FBLN7: variants seen among roughly 807,000 people sequenced by gnomAD.
FBLN7 encodes the protein fibulin-7.
A neutral mutation model predicts 44.0 loss-of-function variants in FBLN7; 31 were observed. The ratio of observed to expected loss-of-function variants is 0.70; its 90% CI spans 0.53 to 0.95. The LOEUF is 0.95. Among genes scored for constraint, FBLN7 ranks in the 40% least tolerant of loss-of-function variants. FBLN7 has a pLI of 0.00. For synonymous variants in FBLN7, 262 were observed against 253.4 expected, an observed-to-expected ratio of 1.03 and a Z score of -0.32; for missense variants, 573 against 618.5, an observed-to-expected ratio of 0.93 and a Z score of 0.78.
chr2:112,215,840 C>G, the FBLN7 span: 1 of 152,012 alleles, frequency 6.6e-6, no homozygotes. Context: ...ATTTTAACAA[C>G]AGAAAAGTTA....
intron 2 of FBLN7, among the ~76,000 whole-genome samples, chr2:112,160,839 C>CACGCGCGCACACAT (rs1681823344): frequency 8.8e-6 from 1 of 113,938 alleles, no homozygotes; most frequent in African/African-American, 3.7e-5. Context: ...CATACACGCA[C>CACGCGCGCACACAT]GCACACGCGC....
intron 5 of FBLN7, among the ~76,000 whole-genome samples, chr2:112,182,310 T>G (rs1477577651): frequency 1.3e-5 from 2 of 152,206 alleles, no homozygotes; most frequent in African/African-American, 4.8e-5. Flanking sequence ...TGTGCTCTCC[T>G]GATTACCAGA....
chr2:112,214,773 C>CATAACCCAGGT, the FBLN7 span: 1 of 152,160 alleles, frequency 6.6e-6, no homozygotes, highest in Non-Finnish European at 1.5e-5. Context: ...GAGGTGCTGC[C>CATAACCCAGGT]ATAACCCAGG....
At chr2:112,157,140 C>G (rs376575773) in intron 1 of FBLN7, among the ~76,000 whole-genome samples, 1 of 152,186 alleles carries the variant, frequency 6.6e-6, no homozygotes, top group South Asian at 2.1e-4. Context: ...GAGGCCAAGG[C>G]AGGCAGATCA....
the FBLN7 span, among the ~76,000 whole-genome samples, chr2:112,224,607 T>C: frequency 4.6e-5 from 7 of 152,160 alleles, no homozygotes; most frequent in Admixed American, 4.6e-4. Flanking sequence ...AACAGATGAA[T>C]AAACAAGTAT....
the FBLN7 span, among the ~76,000 whole-genome samples, chr2:112,197,260 CACACACACACACACAGAGAGAGAG>C: frequency 3.9e-5 from 5 of 128,034 alleles, no homozygotes; most frequent in Non-Finnish European, 1.7e-5. Flanking sequence ...CACACACACA[CACACACACACACACAGAGAGAGAG>C]AGAGAGAGAG....
intron 3 of FBLN7, among the ~76,000 whole-genome samples, chr2:112,166,440 G>A (rs908837425): frequency 1.3e-4 from 20 of 152,176 alleles, no homozygotes; most frequent in Non-Finnish European, 1.3e-4. Context: ...GGATTGCCAT[G>A]AGAAGCTCAG....
Position 112,159,766 on chromosome 2 carries a change from C to T in FBLN7, c.166C>T (p.Arg56Cys), listed in dbSNP as rs773214121. The part of the protein sequence containing the change: ...GQETRFAEGI[R>C]HMKSRLAALQ... ...GGAGACACGCTTCGCCGAGGGCATC[C>T]GCCACATGAAGAGCCGGCTGGCCGC... The change falls in exon 2 of 8, where the codon CGC becomes TGC. Residue 56 changes from arginine (R) to cysteine (C), a missense_variant. Coordinates refer to ENST00000331203, the MANE Select transcript of FBLN7 (RefSeq NM_153214.3). 5.6e-6 allele frequency: 9 copies of T among 1,604,362 alleles called. No homozygotes were observed. Among genetic ancestry groups the T allele is most frequent in the African/African-American group, 1.3e-5 (1 of 74,238 alleles).
At chr2:112,207,858 A>AT in the FBLN7 span, among the ~76,000 whole-genome samples, 1 of 152,248 alleles carries the variant, frequency 6.6e-6, no homozygotes, top group East Asian at 1.9e-4. Flanking sequence ...TGCATGTTGC[A>AT]TTTTTTCCCA....
At chr2:112,139,009 C>A (rs1680501414) in intron 1 of FBLN7, among the ~76,000 whole-genome samples, 1 of 104,056 alleles carries the variant, frequency 9.6e-6, no homozygotes, top group African/African-American at 4.0e-5. Context: ...CCGCCTCTCT[C>A]CAGGTCAGCG....
the FBLN7 span, among the ~76,000 whole-genome samples, chr2:112,240,101 G>A: frequency 6.6e-6 from 1 of 152,156 alleles, no homozygotes; most frequent in African/African-American, 2.4e-5. Context: ...TTGTCTCTAG[G>A]TCTTCAAGAA....
At chr2:112,175,147 T>C (rs1450084157) in intron 3 of FBLN7, among the ~76,000 whole-genome samples, 1 of 152,242 alleles carries the variant, frequency 6.6e-6, no homozygotes, top group Non-Finnish European at 1.5e-5. Flanking sequence ...AACTCTTACC[T>C]GGTCAAGCAC....
chr2:112,182,058 C>T (rs1683029564), intron 5 of FBLN7, 182 bp downstream of exon 5: 2 of 762,976 alleles, frequency 2.6e-6, no homozygotes, highest in Admixed American at 3.8e-5. Flanking sequence ...GCAGCTAATT[C>T]ACAGAAATCA....
intron 1 of FBLN7, among the ~76,000 whole-genome samples, chr2:112,155,695 C>T (rs896382524): frequency 1.3e-5 from 2 of 152,176 alleles, no homozygotes; most frequent in African/African-American, 2.4e-5. Flanking sequence ...CAATGAGCAC[C>T]GGGGAGAAAG....
At chr2:112,231,814 A>C in the FBLN7 span, 1 of 1,438,234 alleles carries the variant, frequency 7.0e-7, no homozygotes, top group Non-Finnish European at 9.5e-7. Context: ...GAAAAAACAA[A>C]AGATTATTAA....
At chr2:112,188,803 G>T (rs1683386338), downstream of FBLN7, 1 of 152,234 alleles carries the variant, frequency 6.6e-6, no homozygotes, top group African/African-American at 2.4e-5. Flanking sequence ...TTGAGACACA[G>T]TCAAGAGTTG....
At position 112,187,150 on chromosome 2, in the gene FBLN7, C is replaced by T; in HGVS notation, c.964C>T (p.Pro322Ser). 1.9e-6 allele frequency: 3 copies of T among 1,614,014 alleles called. No individual in the cohort carries two copies. The highest frequency in any genetic ancestry group is 2.5e-6 in the Non-Finnish European group (3 of 1,180,022). Reference sequence around the variant, plus strand: ...CCGCTCCAGCCAGTGTGAGCGGAACCCCTGCCCCATGGACAGCAGGCCCTG... The same window carrying T: ...CCGCTCCAGCCAGTGTGAGCGGAACTCCTGCCCCATGGACAGCAGGCCCTG... The part of the protein sequence containing the change: ...KTSPFQCERN[P>S]CPMDSRPCRH... Residue 322 changes from proline to serine, a missense_variant, in exon 8 of 8, where the codon CCC (proline) becomes TCC (serine). Transcript: ENST00000331203. The surrounding 1 kb of genome is among the most constrained non-coding windows in gnomAD (Gnocchi z 5.1).
chr2:112,236,321 AG>A, the FBLN7 span, among the ~76,000 whole-genome samples: 1 of 152,196 alleles, frequency 6.6e-6, no homozygotes, highest in Admixed American at 6.5e-5. Context: ...CAGGAACAAC[AG>A]TGAGAACGCT....
intron 1 of FBLN7, among the ~76,000 whole-genome samples, chr2:112,140,185 C>T (rs551182234): frequency 2.6e-4 from 38 of 144,904 alleles, no homozygotes; most frequent in South Asian, 4.5e-4. Flanking sequence ...CAGCGTCCCT[C>T]CCGCCTCTCT....
Sources: gnomAD v4.1 joint callset for allele counts (sites outside exome capture counted in the v4.1 genomes callset) on GRCh38, gnomAD v4.1.1 for gene constraint, Gnocchi (gnomAD v3.1) non-coding constraint, MANE v1.5 for transcripts, NCBI Gene and HGNC (gene_info 2026-07-23, HGNC 2026-07-21) for gene names.